KCNJ6: variants seen among roughly 807,000 people sequenced by gnomAD.
KCNJ6 encodes the protein G protein-activated inward rectifier potassium channel 2.
A neutral mutation model predicts 34.2 loss-of-function variants in KCNJ6; 9 were observed. The observed-to-expected ratio is 0.26, with a 90% CI of 0.16 to 0.46. The LOEUF is 0.46. Ranked by LOEUF, KCNJ6 falls within the 20% of genes least tolerant of loss-of-function variation. The pLI, the probability that KCNJ6 is intolerant of heterozygous loss-of-function variation, is 1.00. For synonymous variants in KCNJ6, 196 were observed against 207.1 expected (o/e 0.95, Z 0.46); for missense variants, 236 against 531.3 (o/e 0.44, Z 5.46).
intron 1 of KCNJ6, among the ~76,000 whole-genome samples, chr21:37,864,961 T>C (rs2055614984): frequency 6.6e-6 from 1 of 151,628 alleles, no homozygotes; most frequent in Admixed American, 6.6e-5. Context: ...TGCCTTGGAC[T>C]CCCAAAGTGC....
At chr21:37,658,998 T>C (rs1041358203) in intron 3 of KCNJ6, among the ~76,000 whole-genome samples, 6 of 152,264 alleles carry the variant, frequency 3.9e-5, no homozygotes, top group Admixed American at 6.5e-5. Flanking sequence ...GGAAGCCAAG[T>C]TGGGAACACT....
chr21:37,657,329 A>G (rs1601406668), intron 3 of KCNJ6, among the ~76,000 whole-genome samples: 2 of 152,194 alleles, frequency 1.3e-5, no homozygotes, highest in African/African-American at 4.8e-5. Flanking sequence ...GAGACAGGAG[A>G]TAAGGGTGGG....
intron 2 of KCNJ6, among the ~76,000 whole-genome samples, chr21:37,768,100 TC>T (rs1302268242): frequency 6.6e-6 from 1 of 151,002 alleles, no homozygotes; most frequent in Non-Finnish European, 1.5e-5. Context: ...TTTTTTTTTT[TC>T]GAGCATCTGT....
chr21:37,751,472 C>T (rs1400679421), intron 2 of KCNJ6, among the ~76,000 whole-genome samples: 1 of 152,228 alleles, frequency 6.6e-6, no homozygotes, highest in African/African-American at 2.4e-5. Context: ...TATTTTCACA[C>T]TCATACGTAA....
At chr21:37,686,096 T>C (rs1457821195) in intron 3 of KCNJ6, among the ~76,000 whole-genome samples, 1 of 152,182 alleles carries the variant, frequency 6.6e-6, no homozygotes, top group Non-Finnish European at 1.5e-5. Context: ...TTTTTCATTA[T>C]CTATCCTTTA....
intron 2 of KCNJ6, among the ~76,000 whole-genome samples, chr21:37,770,862 T>C (rs1026572071): frequency 6.6e-6 from 1 of 152,232 alleles, no homozygotes; most frequent in Admixed American, 6.5e-5. Flanking sequence ...CTAATTATCA[T>C]CTATTAATGC....
At chr21:37,859,579 G>A (rs535875787) in intron 1 of KCNJ6, among the ~76,000 whole-genome samples, 4 of 141,768 alleles carry the variant, frequency 2.8e-5, no homozygotes, top group Non-Finnish European at 6.0e-5. Flanking sequence ...ACTGGGTGTT[G>A]AGCAGCCCCA....
intron 1 of KCNJ6, among the ~76,000 whole-genome samples, chr21:37,912,426 C>T (rs1601527962): frequency 6.6e-6 from 1 of 152,158 alleles, no homozygotes; most frequent in Admixed American, 6.5e-5. Flanking sequence ...ATTGACACCA[C>T]CCCCCTTTTT....
intron 2 of KCNJ6, among the ~76,000 whole-genome samples, chr21:37,805,867 C>T (rs1045462444): frequency 1.3e-5 from 2 of 152,116 alleles, no homozygotes; most frequent in East Asian, 1.9e-4. Flanking sequence ...CACGAGGAGT[C>T]GGAAGAGGCC....
chr21:37,665,741 A>G (rs1470467615), intron 3 of KCNJ6, among the ~76,000 whole-genome samples: 1 of 152,204 alleles, frequency 6.6e-6, no homozygotes, highest in Admixed American at 6.5e-5. Flanking sequence ...TATCACAGAC[A>G]ATTTTTGTAG....
chr21:37,734,148 T>C (rs1376600327), intron 2 of KCNJ6, among the ~76,000 whole-genome samples: 1 of 152,236 alleles, frequency 6.6e-6, no homozygotes, highest in East Asian at 1.9e-4. Context: ...ATCTTTACAG[T>C]AGATGTGGGC....
At chr21:37,717,529 C>G (rs574387961) in intron 2 of KCNJ6, among the ~76,000 whole-genome samples, 109 of 152,336 alleles carry the variant, frequency 7.2e-4, no homozygotes, top group Non-Finnish European at 1.2e-3. Context: ...GCCGCTACCC[C>G]CTACATGGCA....
chr21:37,908,090 GATA>G (rs559865592), intron 1 of KCNJ6, among the ~76,000 whole-genome samples: 217 of 152,290 alleles, frequency 1.4e-3, no homozygotes, highest in African/African-American at 4.7e-3. Flanking sequence ...GTTTCATTTT[GATA>G]ATGTTTTCCC....
intron 3 of KCNJ6, among the ~76,000 whole-genome samples, chr21:37,713,789 T>C (rs113917927): frequency 0.014 from 2,064 of 152,258 alleles, 30 homozygotes; most frequent in African/African-American, 0.041. Flanking sequence ...TGGGTGAAAT[T>C]GCATTTTTAT....
At chr21:37,668,196 GTCT>G (rs780779408) in intron 3 of KCNJ6, among the ~76,000 whole-genome samples, 1 of 152,072 alleles carries the variant, frequency 6.6e-6, no homozygotes, top group Non-Finnish European at 1.5e-5. Context: ...GGCTTCTCTG[GTCT>G]TCTGCCTCAG....
intron 3 of KCNJ6, among the ~76,000 whole-genome samples, chr21:37,701,872 A>C (rs187857106): frequency 1.6e-4 from 25 of 152,212 alleles, no homozygotes; most frequent in African/African-American, 6.0e-4. Context: ...GATTTTTCCA[A>C]GTGCAGTGAA....
rs2054253895 is a variant in KCNJ6 at position 37,614,390 on chromosome 21, G to GTT, written c.*10768_*10769insAA. The GTT allele has an allele frequency of 6.6e-6, 1 of 151,362 alleles. No homozygotes were observed. Among genetic ancestry groups the GTT allele is most frequent in the Non-Finnish European group, 1.5e-5 (1 of 67,956 alleles). The allele number at this position is 151,362 out of a possible 1,614,324, so 9.4% of individuals were successfully genotyped here. On this transcript the variant is annotated 3_prime_UTR_variant, in exon 4 of 4. Coordinates refer to ENST00000609713, the MANE Select transcript of KCNJ6 (RefSeq NM_002240.5). ...TGTGTGTGTGTGTGTGTGTATATCT[G>GTT]TGTGTGCGTATGCATGTGTCTGTGT...
chr21:37,615,116 C>A lies in KCNJ6; in HGVS notation c.*10043G>T, dbSNP rs2054261429. On this transcript the variant is annotated 3_prime_UTR_variant, in exon 4 of 4. Coordinates refer to ENST00000609713, the MANE Select transcript of KCNJ6 (RefSeq NM_002240.5). ...CTAATGCCCCATGAGACACAGCAAG[C>A]TGACCAGGTAAACTATGGACCCTGG... The A allele has an allele frequency of 6.6e-6, 1 of 152,170 alleles. No homozygotes were observed. The highest frequency in any genetic ancestry group is 6.5e-5 in the Admixed American group (1 of 15,272). 9.4% of individuals were successfully genotyped at this position (152,170 alleles called of 1,614,324 possible). A position where few individuals can be genotyped will look rare whatever the true frequency, so the allele number is the denominator to read the frequency against.
At chr21:37,641,273 T>A (rs891003867) in intron 3 of KCNJ6, among the ~76,000 whole-genome samples, 1 of 152,102 alleles carries the variant, frequency 6.6e-6, no homozygotes, top group Non-Finnish European at 1.5e-5. Context: ...GCTAAATGAG[T>A]AAAAAGACCC....
Sources: gnomAD v4.1 joint callset for allele counts (sites outside exome capture counted in the v4.1 genomes callset) on GRCh38, gnomAD v4.1.1 for gene constraint, MANE v1.5 for transcripts, NCBI Gene and HGNC (gene_info 2026-07-23, HGNC 2026-07-21) for gene names.